SIK2: variants seen among roughly 807,000 people sequenced by gnomAD.
SIK2 encodes the protein salt inducible kinase 2, also known as serine/threonine-protein kinase SIK2.
A neutral mutation model predicts 103.2 loss-of-function variants in SIK2; 29 were observed. The ratio of observed to expected loss-of-function variants is 0.28; its 90% confidence interval spans 0.21 to 0.38. SIK2 has a LOEUF of 0.38. SIK2 is among the 10% of genes least tolerant of loss of function. The pLI, the probability that SIK2 is intolerant of heterozygous loss-of-function variation, is 1.00. For missense variants in SIK2, 879 were observed against 1,171.0 expected, an observed-to-expected ratio of 0.75 and a Z score of 3.64; for synonymous variants, 412 against 446.1, an observed-to-expected ratio of 0.92 and a Z score of 0.96.
intron 4 of SIK2, among the ~76,000 whole-genome samples, chr11:111,689,978 GTA>G (rs927699911): frequency 2.3e-5 from 3 of 131,146 alleles, no homozygotes; most frequent in African/African-American, 1.0e-4. Flanking sequence ...GTGTGTGTGT[GTA>G]TGTGTATATA....
intron 2 of SIK2, among the ~76,000 whole-genome samples, chr11:111,618,030 A>G (rs570033390): frequency 6.6e-6 from 1 of 152,210 alleles, no homozygotes; most frequent in South Asian, 2.1e-4. Context: ...CTAGGACTAC[A>G]AGTGCATGAC....
chr11:111,717,926 A>C (rs531034478), intron 9 of SIK2, among the ~76,000 whole-genome samples: 1 of 152,248 alleles, frequency 6.6e-6, no homozygotes, highest in South Asian at 2.1e-4. Context: ...TAGGGGGGCA[A>C]TGGGAGGGAG....
At chr11:111,720,808 G>A in intron 11 of SIK2, 46 bp downstream of exon 11, 3 of 1,571,170 alleles carry the variant, frequency 1.9e-6, no homozygotes, top group Non-Finnish European at 2.6e-6. Context: ...TCGTAGGAGA[G>A]CAGTTTCTTG....
At position 111,727,298 on chromosome 11, in the gene SIK2, G is replaced by C; in HGVS notation, c.*3169G>C. On this transcript the variant is annotated 3_prime_UTR_variant, in exon 15 of 15. Transcript: ENST00000304987. ...TCAGGGGCTGTTCATGCCCATCTGAGCAAACCCCTTCTCTCTTCCATCCAC... is the reference window on the plus strand; with the variant it reads ...TCAGGGGCTGTTCATGCCCATCTGACCAAACCCCTTCTCTCTTCCATCCAC... 1.8e-6 allele frequency: 1 copy of C among 544,540 alleles called. No homozygotes were observed. The highest frequency in any genetic ancestry group is 2.7e-5 in the South Asian group (1 of 36,696). 33.7% of individuals were successfully genotyped at this position (544,540 alleles called of 1,614,324 possible). A position where few individuals can be genotyped will look rare whatever the true frequency, so the allele number is the denominator to read the frequency against.
intron 3 of SIK2, among the ~76,000 whole-genome samples, chr11:111,659,779 A>C (rs1591604699): frequency 6.6e-6 from 1 of 152,208 alleles, no homozygotes; most frequent in African/African-American, 2.4e-5. Context: ...GCTAAAAGTA[A>C]TAAAAACCTG....
rs1282896686 is a variant in SIK2 at position 111,688,412 on chromosome 11, G to A, written c.478+250G>A. On this transcript the variant is annotated intron_variant, in intron 4 of 14. Coordinates refer to ENST00000304987, the MANE Select transcript of SIK2 (RefSeq NM_015191.3). The surrounding 1 kb of genome is among the most constrained non-coding windows in gnomAD (Gnocchi z 4.2). Reference sequence around the variant, plus strand: ...GTCCAGATTCCATTGGCAGGGTTTCGGGGTGCTCTGCTGGAAGAGGTACAT... The same window carrying A: ...GTCCAGATTCCATTGGCAGGGTTTCAGGGTGCTCTGCTGGAAGAGGTACAT... Among the ~76,000 whole-genome samples the A allele has an allele frequency of 2.0e-5, 3 of 152,168 alleles. No individual in the cohort carries two copies. The highest frequency in any genetic ancestry group is 2.9e-5 in the Non-Finnish European group (2 of 68,022).
intron 3 of SIK2, among the ~76,000 whole-genome samples, chr11:111,644,197 G>C (rs1446751760): frequency 1.3e-5 from 2 of 150,270 alleles, no homozygotes; most frequent in African/African-American, 4.9e-5. Flanking sequence ...GCTGAGGCAG[G>C]AGAATCACTT....
intron 3 of SIK2, among the ~76,000 whole-genome samples, chr11:111,649,700 G>T (rs9783324): frequency 0.028 from 4,256 of 152,168 alleles, 188 homozygotes; most frequent in African/African-American, 0.096. Context: ...AACATACAAT[G>T]CAGATGTAAG....
intron 3 of SIK2, among the ~76,000 whole-genome samples, chr11:111,677,586 A>AT (rs11384906): frequency 0.9 from 99,694 of 111,144 alleles, 44,611 homozygotes; most frequent in Non-Finnish European, 0.92. Context: ...CCCAGCTAAA[A>AT]TTTTTTTTTT....
intron 6 of SIK2, 44 bp from the exon 7 acceptor site, chr11:111,703,159 G>A: frequency 1.9e-6 from 3 of 1,567,238 alleles, no homozygotes; most frequent in Non-Finnish European, 2.6e-6. Flanking sequence ...ACCCTGAAGT[G>A]CAAGGTGATT....
rs1430323470 is a variant in SIK2, at chr11:111,604,952, T to C, written c.135+2254T>C. ...CTGGATCTCTAGGTTGTAAAGTTGC[T>C]CTGAATTTTTTTTTTTTTTTTTTGA... On this transcript the variant is annotated intron_variant, in intron 1 of 14. Transcript: ENST00000304987. 1.9e-4 allele frequency among the ~76,000 whole-genome samples: 23 copies of C among 120,782 alleles called. No individual in the cohort carries two copies. In the Admixed American group the frequency reaches 2.6e-3, roughly 13 times the overall value. The allele number at this position is 120,782 out of a possible 152,430, so 79.2% of individuals were successfully genotyped here.
intron 3 of SIK2, among the ~76,000 whole-genome samples, chr11:111,639,086 C>T (rs920400393): frequency 2.0e-5 from 3 of 152,084 alleles, no homozygotes; most frequent in Non-Finnish European, 4.4e-5. Flanking sequence ...CTACTGAATG[C>T]CTTGAATGAT....
chr11:111,646,474 G>A (rs1226630995), intron 3 of SIK2, among the ~76,000 whole-genome samples: 1 of 152,050 alleles, frequency 6.6e-6, no homozygotes, highest in Non-Finnish European at 1.5e-5. Flanking sequence ...ATAAAATAAA[G>A]TATTCAACTT....
At chr11:111,678,070 C>T (rs1232133835) in intron 3 of SIK2, among the ~76,000 whole-genome samples, 1 of 152,188 alleles carries the variant, frequency 6.6e-6, no homozygotes, top group Non-Finnish European at 1.5e-5. Flanking sequence ...GTACGCCTTC[C>T]TCCTTCCCTG....
At chr11:111,675,942 C>T (rs1942697974) in intron 3 of SIK2, among the ~76,000 whole-genome samples, 2 of 152,138 alleles carry the variant, frequency 1.3e-5, no homozygotes, top group South Asian at 2.1e-4. Flanking sequence ...GTCTTTCTTG[C>T]CTTCTTTGTG....
At chr11:111,644,020 G>A (rs1942219044) in intron 3 of SIK2, among the ~76,000 whole-genome samples, 1 of 151,708 alleles carries the variant, frequency 6.6e-6, no homozygotes, top group African/African-American at 2.4e-5. Context: ...AGGCGTGGTG[G>A]CTAACACCTG....
intron 3 of SIK2, among the ~76,000 whole-genome samples, chr11:111,678,276 T>C (rs981120156): frequency 6.6e-6 from 1 of 152,214 alleles, no homozygotes; most frequent in African/African-American, 2.4e-5. Flanking sequence ...CCCCCTGAAA[T>C]TGTAATGTTT....
chr11:111,620,510 T>G (rs562002653), intron 3 of SIK2, 108 bp downstream of exon 3: 3 of 670,654 alleles, frequency 4.5e-6, no homozygotes, highest in Non-Finnish European at 5.1e-6. Context: ...GTAATATAAG[T>G]GAAAAAAAAT....
chr11:111,707,512 C>G (rs1316374928), intron 8 of SIK2, among the ~76,000 whole-genome samples: 3 of 152,136 alleles, frequency 2.0e-5, no homozygotes, highest in Non-Finnish European at 4.4e-5. Context: ...ACTGAAAATG[C>G]TTCTACTTCA....
Sources: gnomAD v4.1 joint callset for allele counts (sites outside exome capture counted in the v4.1 genomes callset) on GRCh38, gnomAD v4.1.1 for gene constraint, Gnocchi (gnomAD v3.1) non-coding constraint, MANE v1.5 for transcripts, NCBI Gene and HGNC (gene_info 2026-07-23, HGNC 2026-07-21) for gene names.